The following HIRA variants were observed in gnomAD, a reference collection of about 807,000 sequenced individuals.
HIRA encodes the protein histone cell cycle regulator.
In HIRA, 13 loss-of-function variants were observed where a neutral mutation model predicts 126.6. That is an observed-to-expected ratio of 0.10 (90% confidence interval 0.07 to 0.16). The LOEUF (loss-of-function observed/expected upper bound fraction) is 0.16, where lower values mean the gene tolerates loss of function less well. Among genes scored for constraint, HIRA ranks in the 10% least tolerant of loss-of-function variants. HIRA has a pLI of 1.00. For synonymous variants in HIRA, 511 were observed against 520.0 expected, an observed-to-expected ratio of 0.98 and a Z score of 0.24; for missense variants, 834 against 1,314.4, an observed-to-expected ratio of 0.63 and a Z score of 5.65.
At chr22:19,421,504 T>C (rs964523032) in intron 1 of HIRA, among the ~76,000 whole-genome samples, 1 of 152,216 alleles carries the variant, frequency 6.6e-6, no homozygotes, top group Non-Finnish European at 1.5e-5. Flanking sequence ...AATCACCCAG[T>C]TGTTTTTTTC....
chr22:19,378,229 A>G (rs1187660166), intron 13 of HIRA, among the ~76,000 whole-genome samples, 163 bp from the exon 14 acceptor site: 1 of 152,266 alleles, frequency 6.6e-6, no homozygotes, highest in Non-Finnish European at 1.5e-5. Context: ...GCCACTTAAT[A>G]TACTATATTT....
chr22:19,406,947 G>A (rs769161144), intron 4 of HIRA, among the ~76,000 whole-genome samples: 3 of 152,178 alleles, frequency 2.0e-5, no homozygotes, highest in Non-Finnish European at 4.4e-5. Flanking sequence ...ATCGGCACTA[G>A]AAGAGATCAG....
chr22:19,338,390 A>T (rs1399979449), intron 24 of HIRA, among the ~76,000 whole-genome samples: 2 of 142,628 alleles, frequency 1.4e-5, no homozygotes, highest in Admixed American at 7.5e-5. Flanking sequence ...CACAGGGTCT[A>T]TAAAACAATA....
intron 5 of HIRA, among the ~76,000 whole-genome samples, chr22:19,401,177 GC>G (rs772215428): frequency 1.3e-5 from 2 of 152,030 alleles, no homozygotes; most frequent in Non-Finnish European, 2.9e-5. Flanking sequence ...ACTTGCCTAG[GC>G]CCCCAGCACC....
chr22:19,411,301 A>G (rs1429981655), intron 1 of HIRA, among the ~76,000 whole-genome samples: 1 of 152,222 alleles, frequency 6.6e-6, no homozygotes, highest in Non-Finnish European at 1.5e-5. Flanking sequence ...CCTCCTTCAC[A>G]GTTTGTACTC....
chr22:19,356,370 C>T, intron 19 of HIRA, 82 bp from the exon 20 acceptor site: 1 of 1,235,404 alleles, frequency 8.1e-7, no homozygotes, highest in South Asian at 1.2e-5. Context: ...GACACCCTGG[C>T]CCTACTGCAT....
intron 15 of HIRA, among the ~76,000 whole-genome samples, chr22:19,372,007 A>G (rs1377931834): frequency 1.3e-5 from 2 of 152,308 alleles, no homozygotes; most frequent in East Asian, 1.9e-4. Flanking sequence ...AGGTCAGATG[A>G]TAACTCTATA....
At chr22:19,335,618 T>G (rs560343052) in intron 24 of HIRA, among the ~76,000 whole-genome samples, 8 of 152,234 alleles carry the variant, frequency 5.3e-5, no homozygotes, top group Non-Finnish European at 5.9e-5. Flanking sequence ...AGGTATATTT[T>G]TATGAACTGA....
intron 5 of HIRA, among the ~76,000 whole-genome samples, chr22:19,399,821 G>C (rs960007696): frequency 1.3e-5 from 2 of 152,154 alleles, no homozygotes; most frequent in African/African-American, 4.8e-5. Context: ...GAAAGCGTTT[G>C]TCTCTTATCT....
At chr22:19,404,531 G>T (rs1035700482) in intron 5 of HIRA, among the ~76,000 whole-genome samples, 2 of 151,964 alleles carry the variant, frequency 1.3e-5, no homozygotes, top group Non-Finnish European at 2.9e-5. Flanking sequence ...TCACAAATGT[G>T]GACTCAATCT....
rs1384849213 is a variant in HIRA, at chr22:19,361,242, G to A, written c.2080C>T (p.Leu694Phe). 6.2e-7 allele frequency: 1 copy of A among 1,613,712 alleles called. No homozygotes were observed. Among genetic ancestry groups the A allele is most frequent in the Non-Finnish European group, 8.5e-7 (1 of 1,179,538 alleles). The change falls in exon 17 of 25, where the codon CTC (leucine) becomes TTC (phenylalanine). Residue 694 changes from leucine (L) to phenylalanine (F), a missense_variant. Leu to Phe is a conservative substitution (Grantham distance 22). Around this residue, in one of 5 missense-constraint regions of HIRA, gnomAD observed 468 missense variants for 574.2 expected, o/e 0.82. Coordinates refer to ENST00000263208, the MANE Select transcript of HIRA (RefSeq NM_003325.4). ...PIPSPQRAFT[L>F]QVSSDPSMYI... Reference sequence around the variant, plus strand: ...GGCAGGGTCCTAGAACTTACCTGGAGGGTGAATGCTCTCTGGGGGCTTGGA... The same window carrying A: ...GGCAGGGTCCTAGAACTTACCTGGAAGGTGAATGCTCTCTGGGGGCTTGGA...
chr22:19,359,546 A>G (rs1601816265), intron 17 of HIRA, 62 bp from the exon 18 acceptor site: 2 of 1,449,086 alleles, frequency 1.4e-6, no homozygotes, highest in Admixed American at 2.5e-5. Flanking sequence ...GACATGCTCC[A>G]AGGCTCTGTA....
In HIRA at chr22:19,361,721, C is replaced by T. The variant is rs1481641954; in HGVS notation, c.1980+6G>A. 2 of 1,612,176 alleles carry T rather than the reference C, an allele frequency of 1.2e-6. No individual in the cohort carries two copies. Among genetic ancestry groups the T allele is most frequent in the Admixed American group, 1.7e-5 (1 of 60,024 alleles). ...AAAGAAGGCAGGATGGGCCCACTGG[C>T]CTCACCTGGACAGACAGAGACACAG... is the stretch of plus-strand genomic sequence containing the variant. On this transcript the variant is annotated splice_donor_region_variant and intron_variant, in intron 16 of 24. Transcript: ENST00000263208.
At chr22:19,342,013 C>T (rs185374372) in intron 24 of HIRA, among the ~76,000 whole-genome samples, 1 of 152,180 alleles carries the variant, frequency 6.6e-6, no homozygotes, top group Admixed American at 6.5e-5. Context: ...AGTAAACAGA[C>T]AACCCACAGA....
chr22:19,390,736 C>G (rs9606002), intron 9 of HIRA, among the ~76,000 whole-genome samples: 2 of 151,464 alleles, frequency 1.3e-5, no homozygotes, highest in Non-Finnish European at 2.9e-5. Context: ...CTAATAGAGG[C>G]GTCAGCTTTC....
chr22:19,395,863 T>C (rs2089219512), intron 7 of HIRA, among the ~76,000 whole-genome samples: 1 of 152,222 alleles, frequency 6.6e-6, no homozygotes, highest in African/African-American at 2.4e-5. Flanking sequence ...AGACACTTAA[T>C]AAATGTCTAA....
intron 1 of HIRA, among the ~76,000 whole-genome samples, chr22:19,420,785 T>G (rs534894707): frequency 1.3e-5 from 2 of 152,282 alleles, no homozygotes; most frequent in East Asian, 1.9e-4. Context: ...AAGCCCAGAC[T>G]TCATCACTAA....
chr22:19,331,703 T>G (rs2088489289), intron 24 of HIRA, 147 bp from the exon 25 acceptor site: 1 of 754,022 alleles, frequency 1.3e-6, no homozygotes, highest in South Asian at 1.8e-5. Context: ...GTGAGAGAGC[T>G]GTGGGGCAAA....
intron 15 of HIRA, among the ~76,000 whole-genome samples, chr22:19,369,804 C>T (rs940536930): frequency 6.6e-6 from 1 of 152,102 alleles, no homozygotes; most frequent in Non-Finnish European, 1.5e-5. Context: ...TCATGGCATA[C>T]ACCTGTAATC....
Sources: gnomAD v4.1 joint callset for allele counts (sites outside exome capture counted in the v4.1 genomes callset) on GRCh38, gnomAD v4.1.1 for gene constraint, gnomAD v4.1.1 regional missense constraint, MANE v1.5 for transcripts, NCBI Gene and HGNC (gene_info 2026-07-23, HGNC 2026-07-21) for gene names.